PRR5L: variants seen among roughly 807,000 people sequenced by gnomAD.
The protein encoded by PRR5L is proline rich 5 like, also known as proline-rich protein 5-like.
Under a neutral mutation model 36.4 loss-of-function variants are expected in PRR5L, and 21 were observed. The ratio of observed to expected loss-of-function variants is 0.58; its 90% CI spans 0.41 to 0.83. PRR5L has a LOEUF of 0.83. Among genes scored for constraint, PRR5L ranks in the 40% least tolerant of loss-of-function variants. PRR5L has a pLI of 0.00. For synonymous variants in PRR5L, 188 were observed against 197.0 expected, an observed-to-expected ratio of 0.95 and a Z score of 0.38; for missense variants, 381 against 473.3, an observed-to-expected ratio of 0.80 and a Z score of 1.81.
At chr11:36,415,287 T>C (rs1858117189) in intron 3 of PRR5L, among the ~76,000 whole-genome samples, 1 of 152,236 alleles carries the variant, frequency 6.6e-6, no homozygotes, top group Admixed American at 6.5e-5. Context: ...ATGTGGTGTT[T>C]GTGGGACAGC....
intron 1 of PRR5L, among the ~76,000 whole-genome samples, chr11:36,383,173 G>A (rs1004584960): frequency 2.6e-5 from 4 of 152,212 alleles, no homozygotes; most frequent in South Asian, 2.1e-4. Context: ...ATGAGGAAGA[G>A]CCTTAGGAAC....
chr11:36,453,774 T>C (rs1179645529), intron 8 of PRR5L, among the ~76,000 whole-genome samples: 2 of 152,188 alleles, frequency 1.3e-5, no homozygotes, highest in Non-Finnish European at 2.9e-5. Context: ...GGATTTCATC[T>C]TGACTAGGGA....
At chr11:36,417,123 T>G (rs910490202) in intron 3 of PRR5L, among the ~76,000 whole-genome samples, 1 of 152,180 alleles carries the variant, frequency 6.6e-6, no homozygotes, top group African/African-American at 2.4e-5. Flanking sequence ...CACAGCGTAT[T>G]ATTTGATCTC....
intron 1 of PRR5L, among the ~76,000 whole-genome samples, chr11:36,370,886 A>AAAAAAC (rs1810232242): frequency 1.3e-5 from 2 of 151,614 alleles, no homozygotes; most frequent in South Asian, 2.1e-4. Flanking sequence ...ATCTCAAAAA[A>AAAAAAC]AAAAACAAAC....
At chr11:36,367,145 C>T (rs1248167421) in intron 1 of PRR5L, among the ~76,000 whole-genome samples, 1 of 151,788 alleles carries the variant, frequency 6.6e-6, no homozygotes, top group African/African-American at 2.4e-5. Context: ...ATTCTCAGAC[C>T]ACTTATTGAA....
At chr11:36,456,447 G>A (rs1212807698) in intron 8 of PRR5L, among the ~76,000 whole-genome samples, 1 of 152,270 alleles carries the variant, frequency 6.6e-6, no homozygotes, top group Non-Finnish European at 1.5e-5. Context: ...CAGTCTGTAA[G>A]TCAAGCCTAG....
intron 1 of PRR5L, among the ~76,000 whole-genome samples, chr11:36,353,720 G>A (rs1173528590): frequency 1.3e-5 from 2 of 152,116 alleles, no homozygotes; most frequent in Non-Finnish European, 2.9e-5. Context: ...TAGGGTTAGC[G>A]CTCCTATAAG....
chr11:36,349,359 AT>A (rs909196095), intron 1 of PRR5L, among the ~76,000 whole-genome samples: 2 of 146,956 alleles, frequency 1.4e-5, no homozygotes, highest in African/African-American at 5.1e-5. Flanking sequence ...TTAAAAAAAA[AT>A]TCCATAGGAG....
intron 1 of PRR5L, among the ~76,000 whole-genome samples, chr11:36,338,932 C>T (rs868112681): frequency 2.0e-5 from 3 of 152,110 alleles, no homozygotes; most frequent in African/African-American, 7.2e-5. Flanking sequence ...CCGTCTTTCC[C>T]GTGCTATTCT....
chr11:36,397,513 G>A (rs12419386), intron 1 of PRR5L, among the ~76,000 whole-genome samples: 6,545 of 121,768 alleles, frequency 0.054, 176 homozygotes, highest in Middle Eastern at 0.14. Flanking sequence ...CTGGAGTGCA[G>A]TGGTGCCATC....
intron 1 of PRR5L, among the ~76,000 whole-genome samples, chr11:36,387,065 C>T (rs572267555): frequency 6.6e-6 from 1 of 152,142 alleles, no homozygotes; most frequent in African/African-American, 2.4e-5. Flanking sequence ...GTTCTGCCTT[C>T]TGTGTGTTTC....
rs559358665 is a variant in PRR5L at position 36,316,635 on chromosome 11, C to T, written c.-126+20197C>T. On this transcript the variant is annotated intron_variant, in intron 1 of 8. Transcript: ENST00000530639. ...AGATTACCGGTCTGGGTGGTGTCAGCTGATCCATCCAGTGCAGGGTCTGCA... is the reference window on the plus strand; with the variant it reads ...AGATTACCGGTCTGGGTGGTGTCAGTTGATCCATCCAGTGCAGGGTCTGCA... Among the ~76,000 whole-genome samples the T allele has an allele frequency of 7.2e-5, 11 of 152,224 alleles. No homozygotes were observed. In the East Asian group the frequency reaches 2.1e-3, roughly 29 times the overall value.
At chr11:36,437,531 T>A in intron 6 of PRR5L, 55 bp downstream of exon 6, 1 of 1,144,560 alleles carries the variant, frequency 8.7e-7, no homozygotes, top group Non-Finnish European at 1.3e-6. Context: ...TCTTCTCTCC[T>A]GGCCCTTGCG....
At chr11:36,389,616 T>TA (rs1489722387) in intron 1 of PRR5L, among the ~76,000 whole-genome samples, 1 of 137,928 alleles carries the variant, frequency 7.3e-6, no homozygotes, top group Non-Finnish European at 1.6e-5. Context: ...CCCCATGTAT[T>TA]TTTTTTTTTT....
rs141974589 is a variant in PRR5L at position 36,401,152 on chromosome 11, G to C, written c.31G>C (p.Val11Leu). MTRGFAPILP[V>L]EFHKMGSFRR... ...CCGCGGCTTCGCTCCCATTCTGCCC[G>C]TCGAGTTCCACAAGATGGGCTCCTT... The change falls in exon 2 of 9, where the codon GTC (valine) becomes CTC (leucine). Residue 11 changes from valine to leucine, a missense_variant. By Grantham distance (32) the Val-to-Leu change is conservative (BLOSUM62 1). Transcript: ENST00000530639. 1 of 1,614,150 alleles carries C rather than the reference G, an allele frequency of 6.2e-7. No homozygotes were observed. Among genetic ancestry groups the C allele is most frequent in the Admixed American group, 1.7e-5 (1 of 60,032 alleles).
chr11:36,370,020 A>G (rs1193026788), intron 1 of PRR5L, among the ~76,000 whole-genome samples: 5 of 152,226 alleles, frequency 3.3e-5, no homozygotes, highest in Admixed American at 1.3e-4. Flanking sequence ...GAACTGGGCA[A>G]TACAATGGCA....
At chr11:36,361,686 G>GA (rs1857090172) in intron 1 of PRR5L, among the ~76,000 whole-genome samples, 1 of 152,090 alleles carries the variant, frequency 6.6e-6, no homozygotes, top group African/African-American at 2.4e-5. Flanking sequence ...AATGTCTACT[G>GA]AAAAAAATGA....
chr11:36,351,309 T>C (rs1366835515), intron 1 of PRR5L, among the ~76,000 whole-genome samples: 1 of 73,560 alleles, frequency 1.4e-5, no homozygotes, highest in Non-Finnish European at 2.3e-5. Flanking sequence ...TATATATATT[T>C]ATATATATTT....
At chr11:36,360,033 TCACA>T (rs34561988) in intron 1 of PRR5L, among the ~76,000 whole-genome samples, 60,231 of 146,186 alleles carry the variant, frequency 0.41, 13,271 homozygotes, top group East Asian at 0.63. Context: ...TGAGACTCTG[TCACA>T]CACACACACA....
Sources: allele counts gnomAD v4.1 joint callset (sites outside exome capture counted in the v4.1 genomes callset), GRCh38; gene constraint gnomAD v4.1.1; transcripts MANE v1.5; gene names NCBI Gene and HGNC (gene_info 2026-07-23, HGNC 2026-07-21).